The following EYS variants were observed in gnomAD, a reference collection of about 807,000 sequenced individuals.
The protein encoded by EYS is EGF-like photoreceptor maintenance factor.
In EYS, 250 loss-of-function variants were observed where a neutral mutation model predicts 282.1. The ratio of observed to expected loss-of-function variants is 0.89; its 90% CI spans 0.80 to 0.98. The LOEUF (loss-of-function observed/expected upper bound fraction) is 0.98. Among genes scored for constraint, EYS ranks in the 50% least tolerant of loss-of-function variants. The pLI is 0.00. For synonymous variants in EYS, 1,355 were observed against 1,282.9 expected (o/e 1.06, Z -1.20); for missense variants, 4,016 against 3,709.0 (o/e 1.08, Z -2.15).
intron 8 of EYS, among the ~76,000 whole-genome samples, chr6:65,362,590 C>A (rs957500779): frequency 6.6e-6 from 1 of 151,220 alleles, no homozygotes; most frequent in Non-Finnish European, 1.5e-5. Context: ...CATATATGTA[C>A]GTATACATTT....
rs950033082 is a variant in EYS at position 63,739,698 on chromosome 6, T to C, written c.8072-13018A>G. On this transcript the variant is annotated intron_variant, in intron 41 of 42. Transcript: ENST00000503581. ...CTTTATGAATTAAAAAGTAAACTTA[T>C]TCCCCCCACCCCCAAGACAGAGTCT... Among the ~76,000 whole-genome samples the C allele has an allele frequency of 3.3e-5, 5 of 152,078 alleles. No individual in the cohort carries two copies. The South Asian group carries it at 8.3e-4, about 25-fold the overall frequency.
chr6:65,586,867 TTTTCTGTTC>T (rs1765067569), intron 2 of EYS, among the ~76,000 whole-genome samples: 1 of 152,094 alleles, frequency 6.6e-6, no homozygotes. Context: ...TAGATGTATT[TTTTCTGTTC>T]AACTAAAATG....
At chr6:65,144,656 A>T (rs903100910) in intron 12 of EYS, among the ~76,000 whole-genome samples, 3 of 152,144 alleles carry the variant, frequency 2.0e-5, no homozygotes, top group African/African-American at 4.8e-5. Flanking sequence ...ATTGATTTAA[A>T]ATTGAACAGT....
intron 35 of EYS, among the ~76,000 whole-genome samples, chr6:63,912,648 G>A (rs1466141923): frequency 6.6e-6 from 1 of 152,120 alleles, no homozygotes; most frequent in Non-Finnish European, 1.5e-5. Context: ...TTGGAGGGGG[G>A]CCTGGTGGAG....
intron 12 of EYS, among the ~76,000 whole-genome samples, chr6:65,198,358 A>G (rs1765820269): frequency 6.6e-6 from 1 of 152,152 alleles, no homozygotes; most frequent in African/African-American, 2.4e-5. Flanking sequence ...ACTAGAAAGA[A>G]TATACTCTAA....
intron 13 of EYS, among the ~76,000 whole-genome samples, chr6:65,037,558 T>C (rs962896158): frequency 6.6e-6 from 1 of 151,850 alleles, no homozygotes; most frequent in African/African-American, 2.4e-5. Context: ...TTAGTGTTTT[T>C]TCTTTTCTCT....
chr6:64,445,357 CA>C (rs1408814832), intron 26 of EYS, among the ~76,000 whole-genome samples: 23 of 152,026 alleles, frequency 1.5e-4, no homozygotes, highest in African/African-American at 5.3e-4. Context: ...TAATTCTATA[CA>C]TTTTTATTGT....
At chr6:65,398,646 T>G (rs1766379642) in intron 7 of EYS, among the ~76,000 whole-genome samples, 1 of 152,106 alleles carries the variant, frequency 6.6e-6, no homozygotes, top group South Asian at 2.1e-4. Flanking sequence ...AAAAGGTTTC[T>G]GCACAGCAAG....
At chr6:65,171,307 C>T (rs930098244) in intron 12 of EYS, among the ~76,000 whole-genome samples, 9 of 151,626 alleles carry the variant, frequency 5.9e-5, no homozygotes, top group African/African-American at 2.2e-4. Context: ...AAACTATAGT[C>T]ATCTACTATG....
intron 11 of EYS, among the ~76,000 whole-genome samples, chr6:65,305,984 G>A (rs2150294826): frequency 6.6e-6 from 1 of 152,276 alleles, no homozygotes; most frequent in African/African-American, 2.4e-5. Context: ...ATACCTGCCA[G>A]TTTTCTTCAT....
At chr6:64,568,457 T>C (rs1243974339) in intron 26 of EYS, among the ~76,000 whole-genome samples, 1 of 152,152 alleles carries the variant, frequency 6.6e-6, no homozygotes. Flanking sequence ...GCAGCGCATC[T>C]CTGAAAGAAA....
intron 19 of EYS, among the ~76,000 whole-genome samples, chr6:64,877,261 A>G (rs1766777422): frequency 6.6e-6 from 1 of 152,162 alleles, no homozygotes; most frequent in East Asian, 1.9e-4. Flanking sequence ...ACTAGGCAGA[A>G]CACAGTTGGA....
intron 22 of EYS, among the ~76,000 whole-genome samples, chr6:64,633,377 T>A (rs559782362): frequency 6.6e-6 from 1 of 152,298 alleles, no homozygotes; most frequent in East Asian, 1.9e-4. Context: ...CATTGCTTTA[T>A]ATATTGATAT....
intron 31 of EYS, among the ~76,000 whole-genome samples, chr6:64,085,325 TGCGCACGTGCGCGC>T (rs1159261696): frequency 4.9e-5 from 4 of 81,916 alleles, no homozygotes; most frequent in African/African-American, 3.1e-4. Flanking sequence ...CGCGCGCGCG[TGCGCACGTGCGCGC>T]GCACACACAC....
chr6:65,686,158 T>C (rs1769007014), intron 1 of EYS, among the ~76,000 whole-genome samples: 1 of 152,060 alleles, frequency 6.6e-6, no homozygotes, highest in Non-Finnish European at 1.5e-5. Flanking sequence ...AACCTAATCC[T>C]TTCTTTTCTA....
At chr6:64,095,037 G>C (rs1023818778) in intron 31 of EYS, among the ~76,000 whole-genome samples, 1 of 152,166 alleles carries the variant, frequency 6.6e-6, no homozygotes, top group Non-Finnish European at 1.5e-5. Context: ...GGAGCAGGTT[G>C]TTCAGTTTCC....
intron 22 of EYS, among the ~76,000 whole-genome samples, chr6:64,646,638 C>G (rs1768361580): frequency 6.6e-6 from 1 of 151,804 alleles, no homozygotes; most frequent in African/African-American, 2.4e-5. Context: ...CCCGTCTCTA[C>G]TAAAAATACA....
At chr6:65,673,248 G>A (rs1410303254) in intron 1 of EYS, among the ~76,000 whole-genome samples, 3 of 152,160 alleles carry the variant, frequency 2.0e-5, no homozygotes, top group South Asian at 4.1e-4. Context: ...GATAATGGGC[G>A]ATGTTTCTCA....
intron 12 of EYS, among the ~76,000 whole-genome samples, chr6:65,258,978 A>G (rs1767544554): frequency 6.6e-6 from 1 of 152,254 alleles, no homozygotes; most frequent in South Asian, 2.1e-4. Context: ...AGGGGAGTAC[A>G]GAAGAAAAAA....
Sources: gnomAD v4.1 joint callset for allele counts (sites outside exome capture counted in the v4.1 genomes callset) on GRCh38, gnomAD v4.1.1 for gene constraint, MANE v1.5 for transcripts, NCBI Gene and HGNC (gene_info 2026-07-23, HGNC 2026-07-21) for gene names.